BMPR1B: variants seen among roughly 807,000 people sequenced by gnomAD.
BMPR1B encodes the protein bone morphogenetic protein receptor type-1B.
Under a neutral mutation model 59.1 loss-of-function variants are expected in BMPR1B, and 12 were observed. The observed-to-expected ratio is 0.20, with a 90% CI of 0.13 to 0.33. BMPR1B has a LOEUF of 0.33. Ranked by LOEUF, BMPR1B falls within the 10% of genes least tolerant of loss-of-function variation. The pLI is 1.00. For synonymous variants in BMPR1B, 237 were observed against 207.3 expected (o/e 1.14, Z -1.23); for missense variants, 550 against 610.9 (o/e 0.90, Z 1.05).
intron 3 of BMPR1B, chr4:95,051,818 T>TA (rs1726525973): frequency 2.6e-6 from 4 of 1,516,476 alleles, no homozygotes; most frequent in Non-Finnish European, 2.7e-6. Flanking sequence ...GGGGCTGAGT[T>TA]AGAGTCTGAT....
intron 3 of BMPR1B, among the ~76,000 whole-genome samples, chr4:95,059,822 G>T (rs558534091): frequency 1.1e-4 from 16 of 152,154 alleles, no homozygotes; most frequent in Admixed American, 2.0e-4. Context: ...AAATTTTGGT[G>T]CTTGCCAACA....
intron 2 of BMPR1B, among the ~76,000 whole-genome samples, chr4:94,971,313 A>G (rs1005275507): frequency 1.3e-5 from 2 of 152,168 alleles, no homozygotes; most frequent in African/African-American, 4.8e-5. Flanking sequence ...ATTTGACAAC[A>G]TATGTATTAA....
chr4:94,963,274 T>G (rs569438879), intron 2 of BMPR1B, among the ~76,000 whole-genome samples: 3 of 152,312 alleles, frequency 2.0e-5, no homozygotes, highest in African/African-American at 7.2e-5. Context: ...TTTATAAATT[T>G]TTTTTGCATT....
In BMPR1B at chr4:95,114,740, C is replaced by T. The variant is rs1033648877; in HGVS notation, c.164C>T (p.Thr55Met). 4 of 1,613,538 alleles carry T rather than the reference C, an allele frequency of 2.5e-6. No individual in the cohort carries two copies. The highest frequency in any genetic ancestry group is 1.3e-5 in the African/African-American group (1 of 74,906). The change falls in exon 5 of 13, where the codon ACG (threonine) becomes ATG (methionine). Residue 55 changes from threonine to methionine, a missense_variant. By Grantham distance (81) the Thr-to-Met change is moderately conservative. Coordinates refer to ENST00000515059, the MANE Select transcript of BMPR1B (RefSeq NM_001203.3). ...NICSTDGYCF[T>M]MIEEDDSGLP... ...TTCAGCACAGACGGATATTGTTTCACGATGATAGAAGAGGATGACTCTGGG... is the reference window on the plus strand; with the variant it reads ...TTCAGCACAGACGGATATTGTTTCATGATGATAGAAGAGGATGACTCTGGG...
chr4:94,771,643 A>G (rs1405371702), intron 1 of BMPR1B, among the ~76,000 whole-genome samples: 1 of 152,208 alleles, frequency 6.6e-6, no homozygotes, highest in East Asian at 1.9e-4. Flanking sequence ...AATCTCCCTT[A>G]TTCTACCCTT....
In BMPR1B at chr4:94,996,078, G is replaced by A. The variant is rs1722035213; in HGVS notation, c.-74G>A. The A allele has an allele frequency of 6.6e-6, 1 of 152,206 alleles. No homozygotes were observed. Among genetic ancestry groups the A allele is most frequent in the Non-Finnish European group, 1.5e-5 (1 of 68,054 alleles). 9.4% of individuals were successfully genotyped at this position (152,206 alleles called of 1,614,324 possible). A position where few individuals can be genotyped will look rare whatever the true frequency, so the allele number is the denominator to read the frequency against. On this transcript the variant is annotated 5_prime_UTR_variant, in exon 3 of 13. Coordinates refer to ENST00000515059, the MANE Select transcript of BMPR1B (RefSeq NM_001203.3). Reference sequence around the variant, plus strand: ...CTGATTCATAACCATTTGGCTCTGAGCTATGACAAGAGAGGAAACAAAAAG... The same window carrying A: ...CTGATTCATAACCATTTGGCTCTGAACTATGACAAGAGAGGAAACAAAAAG...
At chr4:94,889,327 A>G (rs1031343400) in intron 2 of BMPR1B, among the ~76,000 whole-genome samples, 1 of 152,082 alleles carries the variant, frequency 6.6e-6, no homozygotes, top group Non-Finnish European at 1.5e-5. Flanking sequence ...TTAATCTTGT[A>G]TATGATAAGC....
intron 1 of BMPR1B, among the ~76,000 whole-genome samples, chr4:94,766,660 T>C (rs893448528): frequency 3.3e-5 from 5 of 151,946 alleles, no homozygotes; most frequent in African/African-American, 7.2e-5. Flanking sequence ...AATCAGTCAC[T>C]CTTTTTTTAA....
chr4:94,880,635 A>ATTTT (rs35455973), intron 2 of BMPR1B, among the ~76,000 whole-genome samples: 11,383 of 124,928 alleles, frequency 0.091, 607 homozygotes, highest in Non-Finnish European at 0.12. Context: ...ATTAAAATGA[A>ATTTT]TTTTTTTTTT....
At chr4:94,992,472 G>T (rs1367160717) in intron 2 of BMPR1B, among the ~76,000 whole-genome samples, 1 of 152,188 alleles carries the variant, frequency 6.6e-6, no homozygotes, top group East Asian at 1.9e-4. Context: ...TTAGTCACAT[G>T]ACTTCAGACA....
chr4:94,943,449 A>G (rs1039258248), intron 2 of BMPR1B, among the ~76,000 whole-genome samples: 2 of 152,164 alleles, frequency 1.3e-5, no homozygotes, highest in Non-Finnish European at 2.9e-5. Flanking sequence ...GTGACATTTG[A>G]TAATCTACTC....
intron 1 of BMPR1B, among the ~76,000 whole-genome samples, chr4:94,763,197 A>G (rs905708710): frequency 3.3e-5 from 5 of 152,136 alleles, no homozygotes; most frequent in Non-Finnish European, 7.4e-5. Flanking sequence ...TGTCAGTATA[A>G]AAAAAGGGAA....
intron 1 of BMPR1B, among the ~76,000 whole-genome samples, chr4:94,873,151 G>A (rs1222872583): frequency 6.6e-6 from 1 of 151,840 alleles, no homozygotes; most frequent in Non-Finnish European, 1.5e-5. Context: ...CTCACCTCCG[G>A]TCCATATGGC....
At chr4:95,087,928 A>G (rs1394387216) in intron 3 of BMPR1B, among the ~76,000 whole-genome samples, 1 of 152,156 alleles carries the variant, frequency 6.6e-6, no homozygotes, top group Non-Finnish European at 1.5e-5. Context: ...GTCAAGTTTC[A>G]GTAAATTTAC....
rs185364425 is a variant in BMPR1B at position 94,934,575 on chromosome 4, G to A, written c.-113+58675G>A. 4.7e-4 allele frequency among the ~76,000 whole-genome samples: 71 copies of A among 151,218 alleles called. No individual in the cohort carries two copies. In the Admixed American group the frequency reaches 4.7e-3, roughly 10 times the overall value. ...AACCTAAACATCAGTGCCAGGATACGACTGAGACTTAATAGACTAATTAAT... is the reference window on the plus strand; with the variant it reads ...AACCTAAACATCAGTGCCAGGATACAACTGAGACTTAATAGACTAATTAAT... On this transcript the variant is annotated intron_variant, in intron 2 of 12. Transcript: ENST00000515059.
At chr4:94,902,647 T>C (rs559892132) in intron 2 of BMPR1B, among the ~76,000 whole-genome samples, 109 of 152,154 alleles carry the variant, frequency 7.2e-4, no homozygotes, top group African/African-American at 2.5e-3. Flanking sequence ...TAGTCTGTTC[T>C]ATACAAAGTA....
intron 2 of BMPR1B, among the ~76,000 whole-genome samples, chr4:94,946,120 A>C (rs1729700464): frequency 6.6e-6 from 1 of 152,160 alleles, no homozygotes; most frequent in Non-Finnish European, 1.5e-5. Context: ...ATATTCATGT[A>C]CTATTCTTGT....
At chr4:95,003,801 C>CT (rs5860385) in intron 3 of BMPR1B, among the ~76,000 whole-genome samples, 17,582 of 84,314 alleles carry the variant, frequency 0.21, 3,702 homozygotes, top group African/African-American at 0.27. Flanking sequence ...CAAAGTCCAT[C>CT]TTTTTTTTTT....
intron 2 of BMPR1B, among the ~76,000 whole-genome samples, chr4:94,947,582 G>C (rs1055735709): frequency 6.6e-6 from 1 of 152,186 alleles, no homozygotes; most frequent in Non-Finnish European, 1.5e-5. Context: ...CGTGTGATTG[G>C]AGCGGAGCAG....
Sources: allele counts gnomAD v4.1 joint callset (sites outside exome capture counted in the v4.1 genomes callset), GRCh38; gene constraint gnomAD v4.1.1; transcripts MANE v1.5; gene names NCBI Gene and HGNC (gene_info 2026-07-23, HGNC 2026-07-21).